The following ASPM variants were observed in gnomAD, a reference collection of about 807,000 sequenced individuals.
ASPM encodes the protein assembly factor for spindle microtubules.
A neutral mutation model predicts 366.4 loss-of-function variants in ASPM; 256 were observed. That is an observed-to-expected ratio of 0.70 (90% confidence interval 0.63 to 0.77). ASPM has a LOEUF of 0.77. Among genes scored for constraint, ASPM ranks in the 30% least tolerant of loss-of-function variants. The pLI is 0.00. For synonymous variants in ASPM, 1,414 were observed against 1,342.9 expected, an observed-to-expected ratio of 1.05 and a Z score of -1.16; for missense variants, 4,146 against 4,090.4, an observed-to-expected ratio of 1.01 and a Z score of -0.37.
chr1:197,128,548 C>G lies in ASPM; in HGVS notation c.2878G>C (p.Glu960Gln). Residue 960 changes from glutamate (E) to glutamine (Q), a missense_variant, in exon 10 of 28, where the codon GAA becomes CAA. Coordinates refer to ENST00000367409, the MANE Select transcript of ASPM (RefSeq NM_018136.5). ...PVNHVQTPFDEFDFAVTNLAV... is the reference protein window; with the variant it reads ...PVNHVQTPFDQFDFAVTNLAV... ...AGATTTGTAACGGCAAAATCAAATT[C>G]ATCAAATGGTGTCTGAACATGGTTA... 1 of 1,613,892 alleles carries G rather than the reference C, an allele frequency of 6.2e-7. No individual in the cohort carries two copies. The highest frequency in any genetic ancestry group is 8.5e-7 in the Non-Finnish European group (1 of 1,179,834).
At position 197,134,996 on chromosome 1, in the gene ASPM, T is replaced by C; in HGVS notation, c.2173+100A>G. 6.2e-6 allele frequency: 6 copies of C among 968,062 alleles called. No individual in the cohort carries two copies. The South Asian group carries it at 7.8e-5, about 13-fold the overall frequency. The allele number at this position is 968,062 out of a possible 1,614,324, so 60.0% of individuals were successfully genotyped here. ...GCTAATGAACAGGGAATTATGCCAT[T>C]AATTATAATAACTATGTATAATTAA... On this transcript the variant is annotated intron_variant, in intron 5 of 27. Coordinates refer to ENST00000367409, the MANE Select transcript of ASPM (RefSeq NM_018136.5).
Position 197,086,919 on chromosome 1 carries a change from A to G in ASPM, c.10215T>C (p.Leu3405=), listed in dbSNP as rs2125086363. The change falls in exon 27 of 28, where the codon CTT becomes CTC. Residue 3405 remains leucine, a synonymous_variant. Transcript: ENST00000367409. ...TATTCATTTTATGTTTATGAGCTGT[A>G]AGTTTGTAGAGACTGTAAATACGGT... ...VVDRIYSLYK[L]TAHKHKMNTE... 6.2e-7 allele frequency: 1 copy of G among 1,611,476 alleles called. No individual in the cohort carries two copies. The highest frequency in any genetic ancestry group is 8.5e-7 in the Non-Finnish European group (1 of 1,179,286).
In ASPM at chr1:197,142,578, A is replaced by T. The variant is rs933106143; in HGVS notation, c.1674T>A (p.Tyr558Ter). The T allele has an allele frequency of 6.2e-7, 1 of 1,613,854 alleles. No individual in the cohort carries two copies. The highest frequency in any genetic ancestry group is 8.5e-7 in the Non-Finnish European group (1 of 1,179,774). The change falls in exon 3 of 28, where the codon TAT becomes TAA. Residue 558 changes from tyrosine to a stop codon, truncating the protein, a stop_gained. Coordinates refer to ENST00000367409, the MANE Select transcript of ASPM (RefSeq NM_018136.5). LOFTEE classifies it high-confidence loss of function. ...IDPILSKSKSYKNEVTPSSTT... is the reference protein window; with the variant it reads ...IDPILSKSKS Reference sequence around the variant, plus strand: ...TCGAAGAGGGTGTTACCTCGTTTTTATAACTCTTAGATTTACTTAATATTG... The same window carrying T: ...TCGAAGAGGGTGTTACCTCGTTTTTTTAACTCTTAGATTTACTTAATATTG...
rs1214861178 is a variant in ASPM, at chr1:197,088,444, C to G, written c.9985-12G>C. 3 of 1,578,952 alleles carry G rather than the reference C, an allele frequency of 1.9e-6. No homozygotes were observed. The highest frequency in any genetic ancestry group is 2.6e-6 in the Non-Finnish European group (3 of 1,153,600). On this transcript the variant is annotated splice_polypyrimidine_tract_variant and intron_variant, in intron 25 of 27. Coordinates refer to ENST00000367409, the MANE Select transcript of ASPM (RefSeq NM_018136.5). ...GTAGTTTTCTCATACTTGAAGAGAACAGAATGAAATTAAAAGTTGTAATAA... is the reference window on the plus strand; with the variant it reads ...GTAGTTTTCTCATACTTGAAGAGAAGAGAATGAAATTAAAAGTTGTAATAA...
In ASPM at chr1:197,142,412, C is replaced by G. The variant is rs199813531; in HGVS notation, c.1840G>C (p.Val614Leu). Residue 614 changes from valine to leucine, a missense_variant, in exon 3 of 28, where the codon GTT becomes CTT. Physicochemically the swap from Val to Leu is conservative, Grantham distance 32. Transcript: ENST00000367409. ...GTTGTCACATTTTTTGTTTTCTTAA[C>G]AGCTGATGTTTTAGGCTCTGAGGGA... ...FSPSEPKTSA[V>L]KKTKNVTTPI... 42 of 1,613,746 alleles carry G rather than the reference C, an allele frequency of 2.6e-5. No homozygotes were observed. Among genetic ancestry groups the G allele is most frequent in the Admixed American group, 6.7e-5 (4 of 59,994 alleles).
chr1:197,130,644 AG>A (rs1658229356), intron 7 of ASPM, among the ~76,000 whole-genome samples: 1 of 152,242 alleles, frequency 6.6e-6, no homozygotes, highest in Non-Finnish European at 1.5e-5. Flanking sequence ...AGCATGGAAA[AG>A]TATTAATTAT....
chr1:197,098,556 C>CTG (rs1657053916), intron 18 of ASPM, among the ~76,000 whole-genome samples: 1 of 151,624 alleles, frequency 6.6e-6, no homozygotes, highest in Non-Finnish European at 1.5e-5. Flanking sequence ...CAATGAACAC[C>CTG]TTTCAATTGT....
intron 17 of ASPM, among the ~76,000 whole-genome samples, chr1:197,109,553 A>T (rs1657524592): frequency 6.6e-6 from 1 of 152,116 alleles, no homozygotes. Context: ...TGCGTGAACA[A>T]GGCAAAGATA....
intron 26 of ASPM, among the ~76,000 whole-genome samples, 195 bp from the exon 27 acceptor site, chr1:197,087,167 C>T (rs919168309): frequency 5.3e-5 from 8 of 151,922 alleles, no homozygotes; most frequent in African/African-American, 1.7e-4. Flanking sequence ...CTCTGCCTCC[C>T]GGGTTCACGC....
chr1:197,145,367 A>G (rs1190025639), intron 1 of ASPM, among the ~76,000 whole-genome samples: 1 of 152,212 alleles, frequency 6.6e-6, no homozygotes, highest in Non-Finnish European at 1.5e-5. Context: ...ATAAAATTAA[A>G]TTTGATGCAG....
intron 17 of ASPM, among the ~76,000 whole-genome samples, chr1:197,116,205 T>A (rs772981971): frequency 1.4e-4 from 21 of 152,194 alleles, no homozygotes; most frequent in Middle Eastern, 3.2e-3. Flanking sequence ...CATTCTCTGC[T>A]AGCTTCAAAA....
chr1:197,122,362 T>G, intron 14 of ASPM, 26 bp downstream of exon 14: 1 of 1,613,430 alleles, frequency 6.2e-7, no homozygotes, highest in African/African-American at 1.3e-5. Flanking sequence ...GGCAAAAAAT[T>G]GGAAAAGTAA....
Position 197,086,880 on chromosome 1 carries a change from A to G in ASPM, c.10254T>C (p.Leu3418=), listed in dbSNP as rs1656606253. Residue 3418 remains leucine, a synonymous_variant, in exon 27 of 28, where the codon CTT becomes CTC. Transcript: ENST00000367409. ...TAGAAGAATTCTTCTTTTGCTTGTA[A>G]AGTATTCTTTCAGTATTCATTTTAT... ...HKHKMNTERI[L]YKQKKNSSIS... 6.2e-7 allele frequency: 1 copy of G among 1,611,664 alleles called. No individual in the cohort carries two copies. The highest frequency in any genetic ancestry group is 1.1e-5 in the South Asian group (1 of 91,018).
In ASPM at chr1:197,139,850, G is replaced by A; in HGVS notation, c.1943C>T (p.Pro648Leu). ...TGTCCTTTTGTTTGTTTTAGAAATTGGAGTTCTGAATATTGATAAATCTAA... is the reference window on the plus strand; with the variant it reads ...TGTCCTTTTGTTTGTTTTAGAAATTAGAGTTCTGAATATTGATAAATCTAA... ...KKTDLSIFRTPISKTNKRTKP... is the reference protein window; with the variant it reads ...KKTDLSIFRTLISKTNKRTKP... Residue 648 changes from proline (P) to leucine (L), a missense_variant, in exon 4 of 28, where the codon CCA (proline) becomes CTA (leucine). Physicochemically the swap from Pro to Leu is moderately conservative, Grantham distance 98 (BLOSUM62 -3). This residue lies in a region of ASPM where 3,624 missense variants were observed against 3,591.7 expected (regional missense o/e 1.01). Transcript: ENST00000367409. The A allele has an allele frequency of 1.9e-6, 3 of 1,606,078 alleles. No homozygotes were observed. Among genetic ancestry groups the A allele is most frequent in the Non-Finnish European group, 2.6e-6 (3 of 1,172,896 alleles).
rs1258115774 is a variant in ASPM, at chr1:197,093,328, T to G, written c.9085-67A>C. ...AAAAAGATTTCCAACCCACTAGAAG[T>G]TCTTGAATTTCTCAATGAGATGGCA... On this transcript the variant is annotated intron_variant, in intron 20 of 27. Transcript: ENST00000367409. 2.0e-5 allele frequency: 25 copies of G among 1,243,130 alleles called. No homozygotes were observed. In the Middle Eastern group the frequency reaches 8.4e-4, roughly 42 times the overall value. 77.0% of individuals were successfully genotyped at this position (1,243,130 alleles called of 1,614,324 possible). A position where few individuals can be genotyped will look rare whatever the true frequency, so the allele number is the denominator to read the frequency against.
Position 197,103,479 on chromosome 1 carries a change from T to C in ASPM, c.5772A>G (p.Ala1924=), listed in dbSNP as rs1657276450. Residue 1924 remains alanine, a synonymous_variant, in exon 18 of 28, where the codon GCA becomes GCG. Transcript: ENST00000367409. ...QKQFRLFKTA[A]LVIQQNFRAW... ...CTCTGAAATTTTGCTGGATGACTAATGCTGCTGTTTTAAACAATCTAAACT... is the reference window on the plus strand; with the variant it reads ...CTCTGAAATTTTGCTGGATGACTAACGCTGCTGTTTTAAACAATCTAAACT... 6.2e-7 allele frequency: 1 copy of C among 1,613,172 alleles called. No homozygotes were observed. The highest frequency in any genetic ancestry group is 1.3e-5 in the African/African-American group (1 of 74,824).
At chr1:197,093,786 A>G (rs935679401) in intron 20 of ASPM, among the ~76,000 whole-genome samples, 6 of 151,852 alleles carry the variant, frequency 4.0e-5, no homozygotes, top group Non-Finnish European at 8.8e-5. Context: ...GGGTTGACAG[A>G]AACCTTTAAT....
At chr1:197,113,296 C>CT (rs1203604297) in intron 17 of ASPM, among the ~76,000 whole-genome samples, 1 of 152,096 alleles carries the variant, frequency 6.6e-6, no homozygotes, top group Non-Finnish European at 1.5e-5. Context: ...CATTTGTACA[C>CT]TAAGGCTTAA....
intron 13 of ASPM, among the ~76,000 whole-genome samples, chr1:197,123,402 A>C (rs1389236325): frequency 6.6e-6 from 1 of 152,174 alleles, no homozygotes; most frequent in Admixed American, 6.6e-5. Context: ...GCAACTACTA[A>C]TTTTGGCATT....
Sources: allele counts gnomAD v4.1 joint callset (sites outside exome capture counted in the v4.1 genomes callset), GRCh38; gene constraint gnomAD v4.1.1; regional missense constraint gnomAD v4.1.1; transcripts MANE v1.5; gene names NCBI Gene and HGNC (gene_info 2026-07-23, HGNC 2026-07-21).